CREB5: variants seen among roughly 807,000 people sequenced by gnomAD.
The protein encoded by CREB5 is cAMP responsive element binding protein 5.
Under a neutral mutation model 57.1 loss-of-function variants are expected in CREB5, and 19 were observed. That is an observed-to-expected ratio of 0.33 (90% confidence interval 0.23 to 0.49). The LOEUF (loss-of-function observed/expected upper bound fraction) is 0.49. CREB5 is among the 20% of genes least tolerant of loss of function. The pLI is 0.99. For synonymous variants in CREB5, 238 were observed against 238.3 expected (o/e 1.00, Z 0.01); for missense variants, 579 against 671.6 (o/e 0.86, Z 1.52).
intron 1 of CREB5, among the ~76,000 whole-genome samples, chr7:28,344,822 C>A (rs1040821114): frequency 2.6e-5 from 4 of 152,014 alleles, no homozygotes; most frequent in Admixed American, 2.6e-4. Context: ...AGAAGATATT[C>A]CATGCCAATG....
At chr7:28,795,369 C>T (rs564608452) in intron 7 of CREB5, among the ~76,000 whole-genome samples, 1 of 152,170 alleles carries the variant, frequency 6.6e-6, no homozygotes, top group Non-Finnish European at 1.5e-5. Flanking sequence ...TAAACACTCT[C>T]GACTAGCTTT....
chr7:28,345,525 C>A (rs952938434), intron 1 of CREB5, among the ~76,000 whole-genome samples: 1 of 152,092 alleles, frequency 6.6e-6, no homozygotes, highest in African/African-American at 2.4e-5. Context: ...GGCTTGACCT[C>A]AATTTATCCT....
At chr7:28,419,462 G>T (rs1788152173) in intron 1 of CREB5, among the ~76,000 whole-genome samples, 2 of 149,226 alleles carry the variant, frequency 1.3e-5, no homozygotes, top group African/African-American at 2.4e-5. Context: ...TTTGATGGGT[G>T]AGCTGTTGAT....
chr7:28,809,207 G>A lies in CREB5; in HGVS notation c.1047G>A (p.Gln349=). ...NQAQVSPATQ[Q]MQPTQTIQPP... ...AGCAGGTTTCACCAGCAACACAACA[G>A]ATGCAGCCAACCCAGACAATACAGC... The change falls in exon 9 of 11, where the codon CAG becomes CAA. Residue 349 remains glutamine, a synonymous_variant. Coordinates refer to ENST00000357727, the MANE Select transcript of CREB5 (RefSeq NM_182898.4). 4 of 1,613,194 alleles carry A rather than the reference G, an allele frequency of 2.5e-6. No homozygotes were observed. Among genetic ancestry groups the A allele is most frequent in the Non-Finnish European group, 3.4e-6 (4 of 1,179,500 alleles).
chr7:28,600,921 G>C (rs938758541), intron 5 of CREB5, among the ~76,000 whole-genome samples: 3 of 152,104 alleles, frequency 2.0e-5, no homozygotes, highest in Admixed American at 2.0e-4. Context: ...AGCCTCTTTG[G>C]CTTCCCTGCC....
chr7:28,812,369 A>C (rs1964240), intron 9 of CREB5, among the ~76,000 whole-genome samples: 105,385 of 152,088 alleles, frequency 0.69, 36,927 homozygotes, highest in Non-Finnish European at 0.72. Context: ...GGTGTTCGTG[A>C]CTTGGCATAT....
At chr7:28,443,460 A>G (rs1211453552) in intron 1 of CREB5, among the ~76,000 whole-genome samples, 3 of 152,192 alleles carry the variant, frequency 2.0e-5, no homozygotes, top group African/African-American at 4.8e-5. Flanking sequence ...CTGTGCAAAC[A>G]TATTTGAAAA....
chr7:28,562,664 G>A (rs762894002), intron 4 of CREB5, among the ~76,000 whole-genome samples: 13 of 152,220 alleles, frequency 8.5e-5, no homozygotes, highest in African/African-American at 1.2e-4. Context: ...AGCTGCCTAT[G>A]CATGCAGCAT....
chr7:28,484,090 C>T (rs1266420221), intron 1 of CREB5, among the ~76,000 whole-genome samples: 1 of 152,246 alleles, frequency 6.6e-6, no homozygotes, highest in African/African-American at 2.4e-5. Flanking sequence ...ATGGCAGTTG[C>T]CAAGCAAAAC....
chr7:28,718,903 AAT>A (rs1330296162), intron 6 of CREB5, 24 bp downstream of exon 6: 1 of 1,613,804 alleles, frequency 6.2e-7, no homozygotes, highest in East Asian at 2.2e-5. Flanking sequence ...TGTGTCTCAC[AAT>A]AGCTTGTCAC....
intron 4 of CREB5, among the ~76,000 whole-genome samples, chr7:28,560,947 T>G (rs201908213): frequency 4.7e-5 from 1 of 21,186 alleles, no homozygotes; most frequent in African/African-American, 1.7e-4. Context: ...CGTGCGTGTG[T>G]GTGCGTGTGT....
intron 5 of CREB5, among the ~76,000 whole-genome samples, chr7:28,701,119 T>C (rs920033838): frequency 6.6e-6 from 1 of 152,122 alleles, no homozygotes; most frequent in African/African-American, 2.4e-5. Flanking sequence ...TTGAAAAAGG[T>C]CCATTAGGGA....
chr7:28,420,817 A>T (rs954837838), intron 1 of CREB5, among the ~76,000 whole-genome samples: 7 of 151,472 alleles, frequency 4.6e-5, no homozygotes, highest in East Asian at 3.9e-4. Flanking sequence ...CAAAAAAAAA[A>T]AAAAAAAAAA....
chr7:28,722,076 T>C (rs1803061481), intron 6 of CREB5, among the ~76,000 whole-genome samples: 2 of 152,234 alleles, frequency 1.3e-5, no homozygotes, highest in Admixed American at 6.5e-5. Flanking sequence ...TGACTCTAGG[T>C]CTATAAGACG....
chr7:28,732,720 CTTTT>C (rs35952532), intron 7 of CREB5, among the ~76,000 whole-genome samples: 4 of 131,902 alleles, frequency 3.0e-5, no homozygotes, highest in Admixed American at 1.5e-4. Context: ...CTCTGTCTTG[CTTTT>C]TTTTTTTTTT....
intron 4 of CREB5, among the ~76,000 whole-genome samples, chr7:28,546,745 T>C (rs1449980117): frequency 2.0e-5 from 3 of 152,342 alleles, no homozygotes; most frequent in Non-Finnish European, 4.4e-5. Context: ...TCACTGAAAA[T>C]AACTGAGCTT....
At chr7:28,779,278 G>C (rs1404690022) in intron 7 of CREB5, 1 of 152,112 alleles carries the variant, frequency 6.6e-6, no homozygotes, top group South Asian at 2.1e-4. Flanking sequence ...GCTCTGTTTC[G>C]GAGGAGAAGA....
rs1036575156 is a variant in CREB5, at chr7:28,823,483, A to G, written c.*4204A>G. On this transcript the variant is annotated 3_prime_UTR_variant, in exon 11 of 11. Transcript: ENST00000357727. ...TCAGGGTTTCAAATGGCTATTCTCC[A>G]TCATTTGGTGGAAATGTTTGCTTAG... 3 of 152,736 alleles carry G rather than the reference A, an allele frequency of 2.0e-5. No individual in the cohort carries two copies. The highest frequency in any genetic ancestry group is 7.2e-5 in the African/African-American group (3 of 41,562). 9.5% of individuals were successfully genotyped at this position (152,736 alleles called of 1,614,324 possible).
At chr7:28,382,750 C>T (rs1786991032) in intron 1 of CREB5, among the ~76,000 whole-genome samples, 1 of 151,904 alleles carries the variant, frequency 6.6e-6, no homozygotes, top group Admixed American at 6.6e-5. Flanking sequence ...ACACCCCCCT[C>T]ACCCCCATCA....
Sources: allele counts gnomAD v4.1 joint callset (sites outside exome capture counted in the v4.1 genomes callset), GRCh38; gene constraint gnomAD v4.1.1; transcripts MANE v1.5; gene names NCBI Gene and HGNC (gene_info 2026-07-23, HGNC 2026-07-21).